The following ROBO2 variants were observed in gnomAD, a reference collection of about 807,000 sequenced individuals.
ROBO2 encodes roundabout guidance receptor 2.
Under a neutral mutation model 160.8 loss-of-function variants are expected in ROBO2, and 53 were observed. The observed-to-expected ratio is 0.33, with a 90% confidence interval of 0.26 to 0.41. The LOEUF (loss-of-function observed/expected upper bound fraction) is 0.41, where lower values mean the gene tolerates loss of function less well. Among genes scored for constraint, ROBO2 ranks in the 10% least tolerant of loss-of-function variants. The probability of loss-of-function intolerance (pLI) is 1.00; values close to 1 mark genes in which losing one functional copy is unlikely to be tolerated. For missense variants in ROBO2, 1,577 were observed against 1,722.4 expected (o/e 0.92, Z 1.49); for synonymous variants, 664 against 611.7 (o/e 1.09, Z -1.26).
chr3:76,085,162 A>T (rs1428993197), intron 2 of ROBO2, among the ~76,000 whole-genome samples: 3 of 151,866 alleles, frequency 2.0e-5, no homozygotes, highest in Non-Finnish European at 4.4e-5. Context: ...CATATATGAT[A>T]TATATGCATG....
intron 2 of ROBO2, among the ~76,000 whole-genome samples, chr3:76,016,075 C>T (rs1410732335): frequency 6.6e-6 from 1 of 151,978 alleles, no homozygotes; most frequent in East Asian, 1.9e-4. Context: ...TGAGAATAGC[C>T]AATATGGGGT....
chr3:77,599,435 G>A (rs1430373818), intron 19 of ROBO2, among the ~76,000 whole-genome samples: 1 of 146,832 alleles, frequency 6.8e-6, no homozygotes, highest in Admixed American at 7.0e-5. Flanking sequence ...CTCATAGGTG[G>A]GAATTGAACA....
chr3:77,378,977 C>T lies in ROBO2; in HGVS notation c.389-98437C>T, dbSNP rs987980716. On this transcript the variant is annotated intron_variant, in intron 2 of 25. Transcript: ENST00000461745. ...TTTTTTTTTTTTGGAGATGGAGTTTCGCTCTTGTTGCCCAGGCTGGAGTGC... is the reference window on the plus strand; with the variant it reads ...TTTTTTTTTTTTGGAGATGGAGTTTTGCTCTTGTTGCCCAGGCTGGAGTGC... Among the ~76,000 whole-genome samples, 8 of 149,172 alleles carry T rather than the reference C, an allele frequency of 5.4e-5. No homozygotes were observed. The East Asian group carries it at 9.8e-4, about 18-fold the overall frequency.
chr3:77,118,496 A>G (rs1277672241), intron 2 of ROBO2, among the ~76,000 whole-genome samples: 1 of 152,200 alleles, frequency 6.6e-6, no homozygotes, highest in Admixed American at 6.5e-5. Context: ...TGTGATGCCT[A>G]GCACTTATGC....
intron 2 of ROBO2, among the ~76,000 whole-genome samples, chr3:77,292,817 A>G (rs1580762795): frequency 6.7e-6 from 1 of 148,456 alleles, no homozygotes; most frequent in African/African-American, 2.4e-5. Context: ...CACCCCAGAT[A>G]TAAAGTAAAA....
chr3:77,517,500 C>T (rs187323783), intron 5 of ROBO2, among the ~76,000 whole-genome samples: 26 of 151,584 alleles, frequency 1.7e-4, no homozygotes, highest in Admixed American at 4.6e-4. Context: ...TGGATAGTTT[C>T]GAAGAGTTCA....
At chr3:77,592,191 A>C (rs2094196483) in intron 17 of ROBO2, among the ~76,000 whole-genome samples, 1 of 152,192 alleles carries the variant, frequency 6.6e-6, no homozygotes, top group Admixed American at 6.5e-5. Context: ...ATGGAAATTT[A>C]GATTGTGTAC....
At chr3:76,756,746 A>G (rs1414495987) in intron 2 of ROBO2, among the ~76,000 whole-genome samples, 2 of 151,836 alleles carry the variant, frequency 1.3e-5, no homozygotes, top group Admixed American at 1.3e-4. Context: ...TGTTACCAGG[A>G]AGCTTTCAAA....
At chr3:77,179,951 C>A (rs2080548131) in intron 2 of ROBO2, among the ~76,000 whole-genome samples, 1 of 152,086 alleles carries the variant, frequency 6.6e-6, no homozygotes. Flanking sequence ...GAGTTAGTGG[C>A]TCCCATGGAA....
intron 2 of ROBO2, among the ~76,000 whole-genome samples, chr3:76,702,711 A>T (rs1206863738): frequency 6.6e-6 from 1 of 152,204 alleles, no homozygotes; most frequent in African/African-American, 2.4e-5. Flanking sequence ...ATTCTGAGTT[A>T]GATGAAAAGA....
At chr3:77,622,020 G>T (rs2153705864) in intron 22 of ROBO2, among the ~76,000 whole-genome samples, 2 of 152,070 alleles carry the variant, frequency 1.3e-5, no homozygotes, top group Middle Eastern at 6.8e-3. Context: ...AATACCAAGT[G>T]AAGAGTTTAA....
intron 2 of ROBO2, among the ~76,000 whole-genome samples, chr3:76,365,103 A>G (rs1010819876): frequency 2.0e-5 from 3 of 152,034 alleles, no homozygotes; most frequent in Non-Finnish European, 4.4e-5. Context: ...TTCAGAGTTG[A>G]AGCAAATCAC....
chr3:76,969,420 G>A (rs1479917898), intron 2 of ROBO2, among the ~76,000 whole-genome samples: 1 of 152,088 alleles, frequency 6.6e-6, no homozygotes, highest in Admixed American at 6.6e-5. Flanking sequence ...TCTTTAAGCT[G>A]CATTGTATCG....
intron 2 of ROBO2, among the ~76,000 whole-genome samples, chr3:77,418,080 T>G (rs1471128064): frequency 6.6e-6 from 1 of 152,168 alleles, no homozygotes; most frequent in Admixed American, 6.5e-5. Flanking sequence ...TCAAGTGATT[T>G]CTTAAAAAAA....
At chr3:77,595,244 T>C in intron 18 of ROBO2, 60 bp downstream of exon 19, 1 of 1,250,012 alleles carries the variant, frequency 8.0e-7, no homozygotes, top group Non-Finnish European at 1.2e-6. Context: ...GGGGAAACTC[T>C]ATAGTAAGAG....
At chr3:77,533,065 A>T (rs1559556609) in intron 6 of ROBO2, among the ~76,000 whole-genome samples, 1 of 152,162 alleles carries the variant, frequency 6.6e-6, no homozygotes, top group Non-Finnish European at 1.5e-5. Flanking sequence ...TTAGCTCTGA[A>T]GACTAGAGTT....
intron 2 of ROBO2, among the ~76,000 whole-genome samples, chr3:76,878,450 A>G (rs529643384): frequency 2.6e-5 from 4 of 152,336 alleles, no homozygotes; most frequent in African/African-American, 9.6e-5. Context: ...AAATAAAAAG[A>G]ATTCAGAACT....
At chr3:76,601,746 T>C (rs2087160379) in intron 2 of ROBO2, among the ~76,000 whole-genome samples, 1 of 152,168 alleles carries the variant, frequency 6.6e-6, no homozygotes. Flanking sequence ...GGAGCCATTT[T>C]CCCCCATAGT....
At chr3:76,427,067 T>C (rs1419534937) in intron 2 of ROBO2, among the ~76,000 whole-genome samples, 3 of 152,192 alleles carry the variant, frequency 2.0e-5, no homozygotes, top group African/African-American at 7.2e-5. Context: ...TATTAGTCTA[T>C]ACTCTCAGCC....
Sources: allele counts gnomAD v4.1 joint callset (sites outside exome capture counted in the v4.1 genomes callset), GRCh38; gene constraint gnomAD v4.1.1; transcripts MANE v1.5; gene names NCBI Gene and HGNC (gene_info 2026-07-23, HGNC 2026-07-21).